PIP4K2A: variants seen among roughly 807,000 people sequenced by gnomAD.
The protein encoded by PIP4K2A is phosphatidylinositol-5-phosphate 4-kinase type 2 alpha.
Under a neutral mutation model 42.9 loss-of-function variants are expected in PIP4K2A, and 14 were observed. That is an observed-to-expected ratio of 0.33 (90% confidence interval 0.22 to 0.51). PIP4K2A has a LOEUF of 0.51. Ranked by LOEUF, PIP4K2A falls within the 20% of genes least tolerant of loss-of-function variation. The pLI, the probability that PIP4K2A is intolerant of heterozygous loss-of-function variation, is 0.97. For missense variants in PIP4K2A, 434 were observed against 519.8 expected (o/e 0.83, Z 1.61); for synonymous variants, 192 against 192.2 (o/e 1.00, Z 0.01).
chr10:22,550,536 A>C, intron 7 of PIP4K2A, 123 bp downstream of exon 7: 1 of 705,922 alleles, frequency 1.4e-6, no homozygotes, highest in Non-Finnish European at 2.5e-6. Flanking sequence ...TGACTTCCCT[A>C]AGGTAGAGTA....
chr10:22,625,471 A>T (rs1280471982), intron 1 of PIP4K2A, among the ~76,000 whole-genome samples: 1 of 152,200 alleles, frequency 6.6e-6, no homozygotes, highest in Non-Finnish European at 1.5e-5. Context: ...GTATGCCCTG[A>T]TTTCACATAA....
At chr10:22,623,419 A>G (rs1262318678) in intron 1 of PIP4K2A, among the ~76,000 whole-genome samples, 1 of 152,198 alleles carries the variant, frequency 6.6e-6, no homozygotes, top group African/African-American at 2.4e-5. Context: ...CAAGGGTCGC[A>G]AGGGTCTTCC....
intron 6 of PIP4K2A, among the ~76,000 whole-genome samples, chr10:22,562,625 C>T (rs1836740014): frequency 6.6e-6 from 1 of 152,182 alleles, no homozygotes; most frequent in Non-Finnish European, 1.5e-5. Flanking sequence ...TTTCTAGAGT[C>T]TACAAAACAC....
chr10:22,674,971 T>TA (rs200278480), intron 1 of PIP4K2A, among the ~76,000 whole-genome samples: 5,735 of 149,014 alleles, frequency 0.038, 384 homozygotes, highest in African/African-American at 0.14. Flanking sequence ...ATTCTGTCTT[T>TA]AAAAAACAAA....
At chr10:22,697,827 T>C (rs1451384412) in intron 1 of PIP4K2A, among the ~76,000 whole-genome samples, 1 of 152,182 alleles carries the variant, frequency 6.6e-6, no homozygotes, top group African/African-American at 2.4e-5. Context: ...TTACATTTTC[T>C]GAAACGGTTC....
At chr10:22,677,818 A>G (rs188220794) in intron 1 of PIP4K2A, among the ~76,000 whole-genome samples, 24 of 152,326 alleles carry the variant, frequency 1.6e-4, no homozygotes, top group African/African-American at 5.8e-4. Flanking sequence ...TAGCATCTCA[A>G]TCAGTCAGTA....
intron 9 of PIP4K2A, chr10:22,539,656 T>C: frequency 3.6e-6 from 1 of 278,280 alleles, no homozygotes; most frequent in Non-Finnish European, 6.8e-6. Context: ...GTGTCCGCCA[T>C]GTGTAAAAAG....
In PIP4K2A at chr10:22,651,549, C is replaced by T. The variant is rs148964174; in HGVS notation, c.145-41832G>A. Among the ~76,000 whole-genome samples the T allele has an allele frequency of 1.2e-4, 19 of 152,354 alleles. No homozygotes were observed. The East Asian group carries it at 3.5e-3, about 28-fold the overall frequency. ...TCCTGGCCAGCTCTCAGCTTAGATG[C>T]ATCTTCCTCCAGGAGACTTCCTAGG... On this transcript the variant is annotated intron_variant, in intron 1 of 9. Coordinates refer to ENST00000376573, the MANE Select transcript of PIP4K2A (RefSeq NM_005028.5).
chr10:22,703,029 G>A (rs1051850159), intron 1 of PIP4K2A, among the ~76,000 whole-genome samples: 1 of 152,176 alleles, frequency 6.6e-6, no homozygotes, highest in African/African-American at 2.4e-5. Flanking sequence ...GGCTCCCTTA[G>A]CTTAGGAGGT....
At chr10:22,570,199 C>CACAAT (rs1346694943) in intron 5 of PIP4K2A, among the ~76,000 whole-genome samples, 13 of 152,150 alleles carry the variant, frequency 8.5e-5, no homozygotes, top group African/African-American at 3.1e-4. Flanking sequence ...TCACGCTGGA[C>CACAAT]ACAATACATA....
rs553790614 is a variant in PIP4K2A at position 22,638,727 on chromosome 10, A to G, written c.145-29010T>C. ...GTTTGATGGAAAGAAATTCATTGAC[A>G]TATTTTTGGCTTTTGTTTTTAAGTA... On this transcript the variant is annotated intron_variant, in intron 1 of 9. Transcript: ENST00000376573. 3.9e-5 allele frequency among the ~76,000 whole-genome samples: 6 copies of G among 152,340 alleles called. No homozygotes were observed. The East Asian group carries it at 7.7e-4, about 20-fold the overall frequency.
intron 6 of PIP4K2A, among the ~76,000 whole-genome samples, chr10:22,566,002 A>G (rs1439236274): frequency 6.6e-6 from 1 of 152,186 alleles, no homozygotes; most frequent in East Asian, 1.9e-4. Context: ...AGATGTTATC[A>G]ATGACAGTGG....
chr10:22,652,388 A>AG (rs1839014385), intron 1 of PIP4K2A, among the ~76,000 whole-genome samples: 1 of 152,124 alleles, frequency 6.6e-6, no homozygotes, highest in Non-Finnish European at 1.5e-5. Flanking sequence ...CCCAAAGTAC[A>AG]GGGATTACAA....
intron 4 of PIP4K2A, among the ~76,000 whole-genome samples, chr10:22,588,692 G>A (rs1435009238): frequency 6.6e-6 from 1 of 152,178 alleles, no homozygotes; most frequent in Non-Finnish European, 1.5e-5. Flanking sequence ...GATCATCCAA[G>A]AGGCAGTTCC....
intron 4 of PIP4K2A, among the ~76,000 whole-genome samples, chr10:22,574,571 GAA>G (rs1837068558): frequency 6.6e-6 from 1 of 151,152 alleles, no homozygotes; most frequent in Non-Finnish European, 1.5e-5. Flanking sequence ...CCTTAAGAAT[GAA>G]AAAGTCTTTG....
At chr10:22,568,112 C>T (rs1382738201) in intron 5 of PIP4K2A, among the ~76,000 whole-genome samples, 2 of 152,234 alleles carry the variant, frequency 1.3e-5, no homozygotes, top group Non-Finnish European at 2.9e-5. Context: ...CTTCTCTAGC[C>T]CTGACTCTGT....
At chr10:22,544,180 A>G (rs891710390) in intron 7 of PIP4K2A, among the ~76,000 whole-genome samples, 2 of 152,206 alleles carry the variant, frequency 1.3e-5, no homozygotes, top group Non-Finnish European at 2.9e-5. Context: ...GGTGGCCAGC[A>G]GCAGCACACA....
intron 1 of PIP4K2A, among the ~76,000 whole-genome samples, chr10:22,632,956 A>C (rs970441222): frequency 2.6e-5 from 4 of 152,224 alleles, no homozygotes; most frequent in African/African-American, 9.6e-5. Context: ...TCATTTCAAA[A>C]AATGGCCCAT....
chr10:22,661,242 T>C (rs911513676), intron 1 of PIP4K2A, among the ~76,000 whole-genome samples: 1 of 152,134 alleles, frequency 6.6e-6, no homozygotes, highest in Non-Finnish European at 1.5e-5. Context: ...TAAACATTGA[T>C]CAGATGGAGT....
Sources: gnomAD v4.1 joint callset for allele counts (sites outside exome capture counted in the v4.1 genomes callset) on GRCh38, gnomAD v4.1.1 for gene constraint, MANE v1.5 for transcripts, NCBI Gene and HGNC (gene_info 2026-07-23, HGNC 2026-07-21) for gene names.